The following DLC1 variants were observed in gnomAD, a reference collection of about 807,000 sequenced individuals.
DLC1 encodes DLC1 Rho GTPase activating protein.
DLC1 carries 54 observed loss-of-function variants against 140.3 expected under a neutral mutation model. The observed-to-expected ratio is 0.38, with a 90% CI of 0.31 to 0.48. The LOEUF is 0.48. Among genes scored for constraint, DLC1 ranks in the 20% least tolerant of loss-of-function variants. DLC1 has a pLI of 0.96. For missense variants in DLC1, 2,536 were observed against 1,907.0 expected (o/e 1.33, Z -6.14); for synonymous variants, 986 against 728.1 (o/e 1.35, Z -5.70).
intron 1 of DLC1, among the ~76,000 whole-genome samples, chr8:13,541,464 T>C (rs988363945): frequency 2.0e-5 from 3 of 152,226 alleles, no homozygotes; most frequent in South Asian, 2.1e-4. Flanking sequence ...GAAATACTTT[T>C]AACTGTAGTC....
At chr8:13,559,147 C>A (rs1275060023) in intron 1 of DLC1, 2 of 152,188 alleles carry the variant, frequency 1.3e-5, no homozygotes, top group African/African-American at 4.8e-5. Context: ...AGTAAGAGTT[C>A]TGGTCAGTGC....
chr8:13,335,885 C>G (rs1200946496), intron 4 of DLC1, among the ~76,000 whole-genome samples: 1 of 116,588 alleles, frequency 8.6e-6, no homozygotes, highest in African/African-American at 3.0e-5. Context: ...GTAATCATGA[C>G]TTGTTAATTT....
intron 2 of DLC1, among the ~76,000 whole-genome samples, chr8:13,491,657 G>A (rs1298478218): frequency 6.6e-6 from 1 of 152,132 alleles, no homozygotes; most frequent in African/African-American, 2.4e-5. Context: ...GTGGCACAGT[G>A]TAATAATGAT....
chr8:13,488,878 G>GTGCA (rs1309988359), intron 2 of DLC1, among the ~76,000 whole-genome samples: 7 of 152,172 alleles, frequency 4.6e-5, no homozygotes, highest in African/African-American at 1.7e-4. Context: ...ACATAGCAAA[G>GTGCA]TGCATGGGAA....
chr8:13,190,645 T>A (rs1164545541), intron 5 of DLC1, among the ~76,000 whole-genome samples: 2 of 152,184 alleles, frequency 1.3e-5, no homozygotes, highest in Non-Finnish European at 2.9e-5. Context: ...AAGATGCAGT[T>A]ATGTTTAGAG....
At chr8:13,402,174 T>C (rs1837328949) in intron 2 of DLC1, among the ~76,000 whole-genome samples, 1 of 152,212 alleles carries the variant, frequency 6.6e-6, no homozygotes, top group African/African-American at 2.4e-5. Flanking sequence ...AAATCTCTTC[T>C]CTTGAGTTTC....
intron 2 of DLC1, among the ~76,000 whole-genome samples, chr8:13,459,381 C>G (rs1799555652): frequency 6.6e-6 from 1 of 152,112 alleles, no homozygotes; most frequent in Non-Finnish European, 1.5e-5. Flanking sequence ...CCATGGCTTT[C>G]TTCCTGATTT....
intron 1 of DLC1, among the ~76,000 whole-genome samples, chr8:13,526,371 A>T (rs1264693269): frequency 6.6e-6 from 1 of 152,144 alleles, no homozygotes; most frequent in Non-Finnish European, 1.5e-5. Context: ...ATTTTGATCA[A>T]TTTATTATTT....
At chr8:13,449,096 G>A (rs890450791) in intron 2 of DLC1, among the ~76,000 whole-genome samples, 2 of 152,134 alleles carry the variant, frequency 1.3e-5, no homozygotes, top group Non-Finnish European at 2.9e-5. Flanking sequence ...TCATTCCAGA[G>A]GTTAACCTTA....
chr8:13,088,663 A>G lies in DLC1; in HGVS notation c.4116T>C (p.Ile1372=), dbSNP rs1369358381. The change falls in exon 16 of 18, where the codon ATT becomes ATC. Residue 1372 remains isoleucine (I), a synonymous_variant. Coordinates refer to ENST00000276297, the MANE Select transcript of DLC1 (RefSeq NM_182643.3). ...TTTCCTCTGGCACAGCAGGGACTTC[A>G]ATGACTGACCTCCAAAGCCTCAGAG... is the stretch of plus-strand genomic sequence containing the variant. ...GPPLRLWRSV[I]EVPAVPEEIL... The G allele has an allele frequency of 6.2e-7, 1 of 1,614,028 alleles. No homozygotes were observed. The highest frequency in any genetic ancestry group is 8.5e-7 in the Non-Finnish European group (1 of 1,180,034).
At chr8:13,297,282 T>TAAAAAAAAAAAA (rs60048506) in intron 5 of DLC1, among the ~76,000 whole-genome samples, 2,271 of 9,598 alleles carry the variant, frequency 0.24, 840 homozygotes, top group Non-Finnish European at 0.32. Context: ...CTTCATACAT[T>TAAAAAAAAAAAA]AAAAAAAAAA....
At chr8:13,120,865 A>C (rs528780239) in intron 5 of DLC1, among the ~76,000 whole-genome samples, 10 of 152,234 alleles carry the variant, frequency 6.6e-5, no homozygotes, top group African/African-American at 2.4e-4. Context: ...CTGTCTTCCC[A>C]TCACTCCTCA....
intron 1 of DLC1, among the ~76,000 whole-genome samples, chr8:13,564,465 T>C (rs1015841224): frequency 1.3e-5 from 2 of 152,048 alleles, no homozygotes; most frequent in African/African-American, 4.8e-5. Context: ...ATGTAAAGGG[T>C]AGAATATTTT....
intron 6 of DLC1, among the ~76,000 whole-genome samples, chr8:13,112,545 C>T (rs1488839849): frequency 6.6e-6 from 1 of 152,084 alleles, no homozygotes; most frequent in Non-Finnish European, 1.5e-5. Context: ...GACATTTCTT[C>T]ACTAATTTAT....
chr8:13,367,274 G>A (rs540609664), intron 4 of DLC1, among the ~76,000 whole-genome samples: 6 of 152,268 alleles, frequency 3.9e-5, no homozygotes, highest in South Asian at 2.1e-4. Flanking sequence ...AACTCAGGAC[G>A]TGAAATGCAT....
chr8:13,109,569 A>C (rs1211490465), intron 7 of DLC1, among the ~76,000 whole-genome samples: 1 of 144,738 alleles, frequency 6.9e-6, no homozygotes, highest in African/African-American at 2.5e-5. Context: ...AAAATAAAAA[A>C]AAATAAAATA....
intron 2 of DLC1, among the ~76,000 whole-genome samples, chr8:13,471,227 C>T (rs372187893): frequency 4.0e-4 from 60 of 151,162 alleles, no homozygotes; most frequent in Non-Finnish European, 8.2e-4. Flanking sequence ...GGAGACCTAA[C>T]GTACAGCCGT....
In DLC1 at chr8:13,579,349, AT is replaced by A. The variant is rs1563453991; in HGVS notation, c.-126+25187del. ...TATATATATATATATATATATATAT[AT>A]ATATATATATATTTTTATATAATAC... is the stretch of plus-strand genomic sequence containing the variant. On this transcript the variant is annotated intron_variant, in intron 1 of 1. Transcript: ENST00000631382. 4.6e-4 allele frequency among the ~76,000 whole-genome samples: 24 copies of A among 52,158 alleles called. 5 individuals carry two copies. The highest frequency in any genetic ancestry group is 2.3e-3 in the African/African-American group (21 of 9,092). The allele number at this position is 52,158 out of a possible 152,430, so 34.2% of individuals were successfully genotyped here.
At chr8:13,305,875 A>G (rs946520803) in intron 4 of DLC1, among the ~76,000 whole-genome samples, 8 of 152,174 alleles carry the variant, frequency 5.3e-5, no homozygotes, top group Admixed American at 1.3e-4. Context: ...AAATGAATCT[A>G]AAAACACTTT....
Sources: allele counts gnomAD v4.1 joint callset (sites outside exome capture counted in the v4.1 genomes callset), GRCh38; gene constraint gnomAD v4.1.1; transcripts MANE v1.5; gene names NCBI Gene and HGNC (gene_info 2026-07-23, HGNC 2026-07-21).